MYO16: variants seen among roughly 807,000 people sequenced by gnomAD.
MYO16 encodes the protein myosin XVI.
In MYO16, 94 loss-of-function variants were observed where a neutral mutation model predicts 205.3. The ratio of observed to expected loss-of-function variants is 0.46; its 90% CI spans 0.39 to 0.54. The LOEUF (loss-of-function observed/expected upper bound fraction) is 0.54. Ranked by LOEUF, MYO16 falls within the 20% of genes least tolerant of loss-of-function variation. The pLI is 0.00. For synonymous variants in MYO16, 988 were observed against 954.0 expected, an observed-to-expected ratio of 1.04 and a Z score of -0.66; for missense variants, 2,315 against 2,387.5, an observed-to-expected ratio of 0.97 and a Z score of 0.63.
chr13:108,910,522 T>G (rs570166570), intron 16 of MYO16, among the ~76,000 whole-genome samples: 1 of 152,344 alleles, frequency 6.6e-6, no homozygotes, highest in African/African-American at 2.4e-5. Flanking sequence ...TGGTGTTGGA[T>G]GAAGGTACAT....
intron 9 of MYO16, among the ~76,000 whole-genome samples, chr13:108,843,019 T>A (rs7489752): frequency 0.57 from 86,188 of 151,812 alleles, 26,395 homozygotes; most frequent in Middle Eastern, 0.72. Flanking sequence ...TATTACATGA[T>A]CTTGCTTATG....
chr13:109,206,831 A>G lies in MYO16; in HGVS notation c.5638A>G (p.Ile1880Val). Reference protein sequence around the residue: ...RLPSELWDTTI With the variant: ...RLPSELWDTTV ...GCCGTCTGAGCTCTGGGACACCACCATTTGATGTGGCCTGAACTGCAGACT... is the reference window on the plus strand; with the variant it reads ...GCCGTCTGAGCTCTGGGACACCACCGTTTGATGTGGCCTGAACTGCAGACT... Residue 1880 changes from isoleucine (I) to valine (V), a missense_variant, in exon 35 of 35, where the codon ATT becomes GTT. Ile to Val is a conservative substitution (Grantham distance 29). Transcript: ENST00000457511. 6.2e-7 allele frequency: 1 copy of G among 1,613,676 alleles called. No homozygotes were observed. Among genetic ancestry groups the G allele is most frequent in the East Asian group, 2.2e-5 (1 of 44,848 alleles).
intron 1 of MYO16, among the ~76,000 whole-genome samples, chr13:108,615,950 CT>C (rs1879336260): frequency 6.6e-6 from 1 of 152,186 alleles, no homozygotes; most frequent in African/African-American, 2.4e-5. Context: ...CTTCCTTTCT[CT>C]GCACAAATGC....
At chr13:109,038,525 C>T (rs1422749256) in intron 23 of MYO16, among the ~76,000 whole-genome samples, 1 of 152,080 alleles carries the variant, frequency 6.6e-6, no homozygotes, top group African/African-American at 2.4e-5. Context: ...ACTACCTTGT[C>T]GACTTTCCTG....
At chr13:109,139,323 A>G (rs1006404507) in intron 31 of MYO16, among the ~76,000 whole-genome samples, 2 of 152,170 alleles carry the variant, frequency 1.3e-5, no homozygotes, top group Non-Finnish European at 2.9e-5. Context: ...ACTAACTATT[A>G]ATAGTTAATT....
At chr13:108,946,985 C>T (rs1314088748) in intron 16 of MYO16, among the ~76,000 whole-genome samples, 1 of 152,112 alleles carries the variant, frequency 6.6e-6, no homozygotes, top group Non-Finnish European at 1.5e-5. Context: ...TTGCTTAATA[C>T]ATTTGTGGGT....
Position 108,896,299 on chromosome 13 carries a change from C to T in MYO16, c.1660-1717C>T, listed in dbSNP as rs191357325. Among the ~76,000 whole-genome samples, 837 of 151,764 alleles carry T rather than the reference C, an allele frequency of 5.5e-3. 7 individuals carry two copies. The highest frequency in any genetic ancestry group is 0.018 in the African/African-American group (765 of 41,370). On this transcript the variant is annotated intron_variant, in intron 14 of 34. Transcript: ENST00000457511. ...GCTATCATTACCCTCTTATTTTCAC[C>T]GTATGTATATAACTACATATTTCAT...
At chr13:108,659,225 T>C (rs1224452480) in intron 1 of MYO16, 1 of 156,744 alleles carries the variant, frequency 6.4e-6, no homozygotes, top group Non-Finnish European at 1.3e-5. Flanking sequence ...TATATATATA[T>C]GATATATATA....
chr13:108,945,672 A>G (rs190423279), intron 16 of MYO16, among the ~76,000 whole-genome samples: 1 of 152,186 alleles, frequency 6.6e-6, no homozygotes, highest in East Asian at 1.9e-4. Context: ...TTATGAGTCT[A>G]TTCTGAAATA....
chr13:108,636,075 A>G (rs1412424847), intron 1 of MYO16, among the ~76,000 whole-genome samples: 2 of 151,890 alleles, frequency 1.3e-5, no homozygotes, highest in South Asian at 2.1e-4. Flanking sequence ...TGCATGCACA[A>G]TACCTACTGA....
chr13:108,999,690 C>G (rs898624159), intron 21 of MYO16, among the ~76,000 whole-genome samples: 4 of 152,106 alleles, frequency 2.6e-5, no homozygotes, highest in Non-Finnish European at 4.4e-5. Flanking sequence ...CCCTCAAAAT[C>G]TCTGTAAGTT....
chr13:108,898,351 A>AGTGAGTGT (rs1880534266), intron 15 of MYO16, among the ~76,000 whole-genome samples: 1 of 144,992 alleles, frequency 6.9e-6, no homozygotes, highest in Non-Finnish European at 1.5e-5. Flanking sequence ...AGGGTGTGTG[A>AGTGAGTGT]GTGTGTGTGT....
the MYO16 span, among the ~76,000 whole-genome samples, chr13:108,537,875 G>C: frequency 6.6e-6 from 1 of 151,630 alleles, no homozygotes; most frequent in Non-Finnish European, 1.5e-5. Context: ...TATTTTTCTT[G>C]TTGAGTTGTT....
intron 22 of MYO16, among the ~76,000 whole-genome samples, chr13:109,010,765 T>C (rs1594466881): frequency 6.6e-6 from 1 of 151,946 alleles, no homozygotes; most frequent in East Asian, 1.9e-4. Context: ...CACAGATCAA[T>C]AGATGAAGCA....
intron 20 of MYO16, among the ~76,000 whole-genome samples, chr13:108,966,466 A>G (rs1394906571): frequency 1.3e-5 from 2 of 152,224 alleles, no homozygotes; most frequent in Non-Finnish European, 2.9e-5. Context: ...AGTTTTTGCT[A>G]CAAACACACA....
chr13:108,825,773 T>C (rs384585), intron 9 of MYO16, among the ~76,000 whole-genome samples: 4,249 of 151,960 alleles, frequency 0.028, 186 homozygotes, highest in African/African-American at 0.094. Flanking sequence ...AAACAATCTG[T>C]ATTTCTATAC....
At chr13:109,021,614 C>T (rs9514959) in intron 23 of MYO16, among the ~76,000 whole-genome samples, 7,550 of 152,142 alleles carry the variant, frequency 0.05, 238 homozygotes, top group African/African-American at 0.076. Flanking sequence ...TCAGCCTTGG[C>T]GGTACAGGCA....
chr13:108,658,511 C>A (rs1259455277), intron 1 of MYO16, among the ~76,000 whole-genome samples: 2 of 148,074 alleles, frequency 1.4e-5, no homozygotes, highest in East Asian at 4.0e-4. Flanking sequence ...AAACTATATT[C>A]TTTTCTAAAA....
chr13:109,027,777 A>G (rs772405990), intron 23 of MYO16, among the ~76,000 whole-genome samples: 9 of 152,172 alleles, frequency 5.9e-5, no homozygotes, highest in Admixed American at 2.0e-4. Flanking sequence ...TGAGTCATCT[A>G]TTTCCCCAAC....
Sources: gnomAD v4.1 joint callset for allele counts (sites outside exome capture counted in the v4.1 genomes callset) on GRCh38, gnomAD v4.1.1 for gene constraint, MANE v1.5 for transcripts, NCBI Gene and HGNC (gene_info 2026-07-23, HGNC 2026-07-21) for gene names.